The following COL4A1 variants were observed in gnomAD, a reference collection of about 807,000 sequenced individuals.
COL4A1 encodes the protein collagen alpha-1(IV) chain.
COL4A1 carries 40 observed loss-of-function variants against 216.6 expected under a neutral mutation model. The observed-to-expected ratio is 0.18, with a 90% CI of 0.14 to 0.24. The LOEUF is 0.24. COL4A1 is among the 10% of genes least tolerant of loss of function. The pLI is 1.00. For synonymous variants in COL4A1, 839 were observed against 810.7 expected (o/e 1.03, Z -0.59); for missense variants, 1,628 against 2,196.8 (o/e 0.74, Z 5.18).
Position 110,179,398 on chromosome 13 carries a change from C to T in COL4A1, c.2217G>A (p.Pro739=), listed in dbSNP as rs756617734. The T allele has an allele frequency of 3.5e-5, 56 of 1,614,012 alleles. No individual in the cohort carries two copies. The highest frequency in any genetic ancestry group is 4.2e-5 in the Non-Finnish European group (50 of 1,180,046). Residue 739 remains proline (P), a synonymous_variant, in exon 30 of 52, where the codon CCG becomes CCA. Transcript: ENST00000375820. ...GAAGACCTGGCAAACCTTTGAGTCC[C>T]GGTAGACCAACTCCAGGCTCTCCCT... ...GQKGEPGVGL[P]GLKGLPGLPG...
At chr13:110,243,705 C>T (rs1303364686) in intron 1 of COL4A1, among the ~76,000 whole-genome samples, 1 of 152,216 alleles carries the variant, frequency 6.6e-6, no homozygotes, top group Admixed American at 6.5e-5. Flanking sequence ...AGGAAGCAAG[C>T]TACCACGTGT....
chr13:110,201,686 C>T, intron 18 of COL4A1, 164 bp from the exon 19 acceptor site: 1 of 785,450 alleles, frequency 1.3e-6, no homozygotes, highest in Non-Finnish European at 2.3e-6. Flanking sequence ...GGATAAGCCT[C>T]TAAAACATAT....
chr13:110,249,061 C>T (rs1273836696), intron 1 of COL4A1, among the ~76,000 whole-genome samples: 1 of 151,940 alleles, frequency 6.6e-6, no homozygotes, highest in Non-Finnish European at 1.5e-5. Context: ...CAAGAATGCC[C>T]TAAAAAAGAA....
chr13:110,204,190 T>C (rs975194066), intron 17 of COL4A1, among the ~76,000 whole-genome samples: 9 of 152,124 alleles, frequency 5.9e-5, no homozygotes, highest in Non-Finnish European at 1.0e-4. Flanking sequence ...ATATCAAATA[T>C]TTTTATATAA....
At chr13:110,205,563 A>G in intron 15 of COL4A1, 25 bp from the exon 16 acceptor site, 1 of 1,612,572 alleles carries the variant, frequency 6.2e-7, no homozygotes, top group South Asian at 1.1e-5. Flanking sequence ...TGTAAACGTT[A>G]GTATTTAATA....
At chr13:110,285,012 G>A (rs554945421) in intron 1 of COL4A1, among the ~76,000 whole-genome samples, 16 of 152,324 alleles carry the variant, frequency 1.1e-4, no homozygotes, top group East Asian at 5.8e-4. Context: ...TTTCTGTAGC[G>A]AGGCACATGC....
intron 2 of COL4A1, among the ~76,000 whole-genome samples, chr13:110,234,236 G>A (rs1235272075): frequency 1.3e-5 from 2 of 152,116 alleles, no homozygotes; most frequent in Non-Finnish European, 2.9e-5. Flanking sequence ...TAGAATCAAG[G>A]TTTTATCCAC....
chr13:110,232,329 T>C (rs1236586298), intron 2 of COL4A1, among the ~76,000 whole-genome samples: 1 of 152,266 alleles, frequency 6.6e-6, no homozygotes, highest in Non-Finnish European at 1.5e-5. Context: ...AATTGCACAT[T>C]GTGCTAAACC....
chr13:110,237,053 A>G (rs1357095099), intron 2 of COL4A1, among the ~76,000 whole-genome samples: 1 of 152,050 alleles, frequency 6.6e-6, no homozygotes, highest in Non-Finnish European at 1.5e-5. Flanking sequence ...GCCCCAGAGG[A>G]GTAGGCTCAT....
intron 1 of COL4A1, among the ~76,000 whole-genome samples, chr13:110,278,688 A>T (rs548773741): frequency 6.6e-6 from 1 of 152,244 alleles, no homozygotes; most frequent in Admixed American, 6.5e-5. Flanking sequence ...TTGATTTCAT[A>T]ACTGATTTCT....
At chr13:110,278,147 T>C (rs1042467277) in intron 1 of COL4A1, among the ~76,000 whole-genome samples, 1 of 152,236 alleles carries the variant, frequency 6.6e-6, no homozygotes, top group Non-Finnish European at 1.5e-5. Flanking sequence ...CTTAGAATTG[T>C]GGCAGATGGG....
chr13:110,286,462 A>C (rs1883847230), intron 1 of COL4A1, among the ~76,000 whole-genome samples: 1 of 152,142 alleles, frequency 6.6e-6, no homozygotes, highest in Admixed American at 6.5e-5. Context: ...TGGCATTCAG[A>C]TTGTGTGGGG....
intron 14 of COL4A1, 43 bp downstream of exon 14, chr13:110,206,822 T>C (rs2139198387): frequency 6.2e-7 from 1 of 1,613,112 alleles, no homozygotes; most frequent in Non-Finnish European, 8.5e-7. Flanking sequence ...TAAATCTTTA[T>C]GGTCTTTGAC....
intron 18 of COL4A1, 30 bp from the exon 19 acceptor site, chr13:110,201,552 C>A: frequency 6.3e-7 from 1 of 1,592,310 alleles, no homozygotes; most frequent in Non-Finnish European, 8.6e-7. Context: ...GTGATCATCC[C>A]GTGGCATGGG....
chr13:110,158,053 A>T (rs139143551), intron 49 of COL4A1, among the ~76,000 whole-genome samples: 20 of 152,328 alleles, frequency 1.3e-4, no homozygotes, highest in Admixed American at 9.1e-4. Flanking sequence ...AACCCACAAA[A>T]GTTGTTACTT....
chr13:110,187,809 T>A (rs907675256), intron 24 of COL4A1, among the ~76,000 whole-genome samples: 3 of 152,228 alleles, frequency 2.0e-5, no homozygotes, highest in Non-Finnish European at 2.9e-5. Flanking sequence ...TTTCTCCAGC[T>A]TCTGGGCCCA....
chr13:110,176,027 T>C (rs1335089803), intron 36 of COL4A1, among the ~76,000 whole-genome samples: 1 of 149,878 alleles, frequency 6.7e-6, no homozygotes, highest in Non-Finnish European at 1.5e-5. Flanking sequence ...TAGTCCGGGA[T>C]TGGAGCAGAG....
chr13:110,178,020 A>G, intron 32 of COL4A1, 44 bp downstream of exon 32: 2 of 1,614,122 alleles, frequency 1.2e-6, no homozygotes, highest in Non-Finnish European at 1.7e-6. Context: ...GGTGAGGCCC[A>G]TGTCTTCATG....
intron 2 of COL4A1, among the ~76,000 whole-genome samples, chr13:110,232,264 C>T (rs1166484337): frequency 2.0e-5 from 3 of 152,212 alleles, no homozygotes; most frequent in Non-Finnish European, 1.5e-5. Context: ...AGGGGCACCA[C>T]GTCCCCAGAG....
Sources: gnomAD v4.1 joint callset for allele counts (sites outside exome capture counted in the v4.1 genomes callset) on GRCh38, gnomAD v4.1.1 for gene constraint, MANE v1.5 for transcripts, NCBI Gene and HGNC (gene_info 2026-07-23, HGNC 2026-07-21) for gene names.